Variants in TMEM72 observed in about 807,000 individuals in gnomAD.
TMEM72 encodes kidney-specific secretory protein of 37 kDa.
TMEM72 carries 9 observed loss-of-function variants against 16.3 expected under a neutral mutation model. The ratio of observed to expected loss-of-function variants is 0.55; its 90% CI spans 0.33 to 0.96. The LOEUF is 0.96. Ranked by LOEUF, TMEM72 falls within the 40% of genes least tolerant of loss-of-function variation. TMEM72 has a pLI of 0.03. For synonymous variants in TMEM72, 160 were observed against 146.5 expected, an observed-to-expected ratio of 1.09 and a Z score of -0.66; for missense variants, 324 against 337.8, an observed-to-expected ratio of 0.96 and a Z score of 0.32.
chr10:44,912,783 G>A (rs1240906275), intron 1 of TMEM72, among the ~76,000 whole-genome samples: 2 of 152,182 alleles, frequency 1.3e-5, no homozygotes, highest in Non-Finnish European at 2.9e-5. Context: ...AGGAGCACTG[G>A]GCTGGGTTCA....
chr10:44,922,505 AC>A (rs1307332037), intron 1 of TMEM72, among the ~76,000 whole-genome samples: 1 of 152,228 alleles, frequency 6.6e-6, no homozygotes, highest in African/African-American at 2.4e-5. Context: ...TGTTCCCAGT[AC>A]AGTCCAGTTA....
intron 1 of TMEM72, among the ~76,000 whole-genome samples, chr10:44,918,120 G>T (rs1156950216): frequency 2.0e-5 from 3 of 152,230 alleles, no homozygotes; most frequent in African/African-American, 4.8e-5. Context: ...AAAACCATCA[G>T]ATCTCTTGAG....
intron 1 of TMEM72, chr10:44,923,315 TTC>T (rs55947323): frequency 0.66 from 95,353 of 145,450 alleles, 31,659 homozygotes; most frequent in Middle Eastern, 0.77. Context: ...CTCTCTCTTT[TTC>T]TCTCTCTCTC....
intron 1 of TMEM72, among the ~76,000 whole-genome samples, chr10:44,916,760 C>A (rs1564432760): frequency 1.3e-5 from 2 of 152,164 alleles, no homozygotes; most frequent in Non-Finnish European, 2.9e-5. Flanking sequence ...TCTGTTCCCC[C>A]CACCTACCAC....
chr10:44,935,274 C>T lies in TMEM72; in HGVS notation c.*140C>T. 1.3e-6 allele frequency: 1 copy of T among 787,070 alleles called. No homozygotes were observed. 48.8% of individuals were successfully genotyped at this position (787,070 alleles called of 1,614,324 possible). A position where few individuals can be genotyped will look rare whatever the true frequency, so the allele number is the denominator to read the frequency against. Reference sequence around the variant, plus strand: ...ACACTGGCTGGGCCCCTGAGGCCATCAGGAGGTGTGACTGGCCAGCATTTC... The same window carrying T: ...ACACTGGCTGGGCCCCTGAGGCCATTAGGAGGTGTGACTGGCCAGCATTTC... On this transcript the variant is annotated 3_prime_UTR_variant, in exon 5 of 5. Transcript: ENST00000389583.
At chr10:44,915,709 C>T (rs112338716) in intron 1 of TMEM72, among the ~76,000 whole-genome samples, 1 of 152,262 alleles carries the variant, frequency 6.6e-6, no homozygotes, top group Non-Finnish European at 1.5e-5. Flanking sequence ...GGTGAGGACA[C>T]ACGTACAGTG....
At chr10:44,927,799 G>A in intron 1 of TMEM72, 122 bp from the exon 2 acceptor site, 1 of 924,816 alleles carries the variant, frequency 1.1e-6, no homozygotes, top group South Asian at 1.5e-5. Context: ...ATGAAGAGAA[G>A]AACCTACCTT....
At chr10:44,924,763 C>T (rs913960576) in intron 1 of TMEM72, among the ~76,000 whole-genome samples, 1 of 152,378 alleles carries the variant, frequency 6.6e-6, no homozygotes, top group Non-Finnish European at 1.5e-5. Flanking sequence ...CACTGATCCT[C>T]TTCCGCCTTG....
chr10:44,931,510 G>A (rs1190926847), intron 2 of TMEM72, among the ~76,000 whole-genome samples: 1 of 152,204 alleles, frequency 6.6e-6, no homozygotes, highest in Non-Finnish European at 1.5e-5. Context: ...GGGTCCAGGG[G>A]GCAGGGCCTG....
rs757942487 is a variant in TMEM72, at chr10:44,934,821, A to G, written c.515A>G (p.His172Arg). 4 of 1,613,618 alleles carry G rather than the reference A, an allele frequency of 2.5e-6. No individual in the cohort carries two copies. Among genetic ancestry groups the G allele is most frequent in the Admixed American group, 1.7e-5 (1 of 60,024 alleles). Reference protein sequence around the residue: ...SGDTEQTYTFHGALKEGPSSL... With the variant: ...SGDTEQTYTFRGALKEGPSSL... ...GACACAGAGCAAACCTACACTTTCCATGGGGCCCTCAAGGAGGGGCCCAGC... is the reference window on the plus strand; with the variant it reads ...GACACAGAGCAAACCTACACTTTCCGTGGGGCCCTCAAGGAGGGGCCCAGC... Residue 172 changes from histidine to arginine, a missense_variant, in exon 5 of 5, where the codon CAT becomes CGT. His to Arg is a conservative substitution (Grantham distance 29). Coordinates refer to ENST00000389583, the MANE Select transcript of TMEM72 (RefSeq NM_001123376.3).
At chr10:44,913,517 G>A (rs185306512) in intron 1 of TMEM72, among the ~76,000 whole-genome samples, 17 of 152,100 alleles carry the variant, frequency 1.1e-4, no homozygotes, top group African/African-American at 4.1e-4. Context: ...CTTAACCACA[G>A]CCTTTATCTC....
At chr10:44,932,508 C>A (rs1344865936) in intron 3 of TMEM72, among the ~76,000 whole-genome samples, 2 of 152,188 alleles carry the variant, frequency 1.3e-5, no homozygotes, top group Admixed American at 6.5e-5. Flanking sequence ...TGTCTCTACA[C>A]CCCTTCGTGG....
At position 44,911,546 on chromosome 10, in the gene TMEM72, T is replaced by A; in HGVS notation, c.34T>A (p.Tyr12Asn). 1.3e-6 allele frequency: 2 copies of A among 1,551,402 alleles called. No individual in the cohort carries two copies. Among genetic ancestry groups the A allele is most frequent in the Non-Finnish European group, 1.7e-6 (2 of 1,147,288 alleles). ...QLQVFWTGLE[Y>N]TCRLLGITTA... ...CCAGGTGTTCTGGACTGGGCTGGAATACACCTGCCGGCTCCTGGGCATCAC... is the reference window on the plus strand; with the variant it reads ...CCAGGTGTTCTGGACTGGGCTGGAAAACACCTGCCGGCTCCTGGGCATCAC... The change falls in exon 1 of 5, where the codon TAC becomes AAC. Residue 12 changes from tyrosine (Y) to asparagine (N), a missense_variant. Coordinates refer to ENST00000389583, the MANE Select transcript of TMEM72 (RefSeq NM_001123376.3).
chr10:44,927,823 C>A, intron 1 of TMEM72, 98 bp from the exon 2 acceptor site: 1 of 1,294,980 alleles, frequency 7.7e-7, no homozygotes, highest in Non-Finnish European at 1.1e-6. Context: ...TGTCAGTCCC[C>A]AGGAAGAAGA....
intron 1 of TMEM72, among the ~76,000 whole-genome samples, chr10:44,914,577 C>T (rs547232485): frequency 6.6e-6 from 1 of 152,338 alleles, no homozygotes; most frequent in African/African-American, 2.4e-5. Flanking sequence ...TTCCCCTGTG[C>T]GGATGCCGGA....
chr10:44,933,648 G>A lies in TMEM72; in HGVS notation c.221G>A (p.Gly74Glu). The A allele has an allele frequency of 1.2e-6, 2 of 1,613,162 alleles. No homozygotes were observed. Among genetic ancestry groups the A allele is most frequent in the East Asian group, 2.2e-5 (1 of 44,848 alleles). ...LLAICFQCQP[G>E]SLADRVREKA... ...CTCCCTCTCCCCAGGTGTCAACCAG[G>A]GTCCCTGGCAGACAGAGTAAGGGAG... is the stretch of plus-strand genomic sequence containing the variant. Residue 74 changes from glycine to glutamate, a missense_variant, in exon 4 of 5, where the codon GGG becomes GAG. Transcript: ENST00000389583.
intron 1 of TMEM72, among the ~76,000 whole-genome samples, chr10:44,918,507 C>T (rs1404079085): frequency 6.6e-6 from 1 of 152,002 alleles, no homozygotes; most frequent in Non-Finnish European, 1.5e-5. Context: ...ATGTGGATAC[C>T]AAAACCAAAG....
At chr10:44,931,061 T>C (rs1800631102) in intron 2 of TMEM72, among the ~76,000 whole-genome samples, 1 of 152,198 alleles carries the variant, frequency 6.6e-6, no homozygotes, top group African/African-American at 2.4e-5. Flanking sequence ...GGGAACGCCC[T>C]CTGGGGGTTC....
At chr10:44,921,531 T>C (rs1277833834) in intron 1 of TMEM72, among the ~76,000 whole-genome samples, 8 of 152,182 alleles carry the variant, frequency 5.3e-5, no homozygotes, top group Non-Finnish European at 1.2e-4. Flanking sequence ...GTCCCATTGT[T>C]TGTCTCCATT....
Sources: gnomAD v4.1 joint callset for allele counts (sites outside exome capture counted in the v4.1 genomes callset) on GRCh38, gnomAD v4.1.1 for gene constraint, MANE v1.5 for transcripts, NCBI Gene and HGNC (gene_info 2026-07-23, HGNC 2026-07-21) for gene names.